CSMD1: variants seen among roughly 807,000 people sequenced by gnomAD.
CSMD1 encodes the protein CUB and sushi domain-containing protein 1.
CSMD1 carries 213 observed loss-of-function variants against 417.5 expected under a neutral mutation model. The ratio of observed to expected loss-of-function variants is 0.51; its 90% CI spans 0.46 to 0.57. The LOEUF (loss-of-function observed/expected upper bound fraction) is 0.57, where lower values mean the gene tolerates loss of function less well. Among genes scored for constraint, CSMD1 ranks in the 20% least tolerant of loss-of-function variants. The pLI is 0.00. For synonymous variants in CSMD1, 2,862 were observed against 1,736.8 expected (o/e 1.65, Z -16.11); for missense variants, 6,923 against 4,529.7 (o/e 1.53, Z -15.17).
chr8:3,435,413 G>C (rs1335538874), intron 12 of CSMD1, among the ~76,000 whole-genome samples: 2 of 152,086 alleles, frequency 1.3e-5, no homozygotes, highest in South Asian at 2.1e-4. Flanking sequence ...AGAAATGCCT[G>C]AAACATCACC....
chr8:4,468,095 A>T (rs1800299208), intron 2 of CSMD1, among the ~76,000 whole-genome samples: 1 of 152,152 alleles, frequency 6.6e-6, no homozygotes, highest in Non-Finnish European at 1.5e-5. Flanking sequence ...CACTGTTCTG[A>T]TGAACCGCTT....
intron 3 of CSMD1, among the ~76,000 whole-genome samples, chr8:4,346,885 G>C (rs893872123): frequency 1.3e-4 from 19 of 149,426 alleles, no homozygotes; most frequent in Non-Finnish European, 2.5e-4. Context: ...ATTCTGGCTG[G>C]ATTGTAAAAC....
At chr8:4,104,708 G>C (rs139077456) in intron 3 of CSMD1, among the ~76,000 whole-genome samples, 2 of 152,188 alleles carry the variant, frequency 1.3e-5, no homozygotes, top group Non-Finnish European at 2.9e-5. Context: ...CACAATAGCT[G>C]GCAACAGTCC....
At chr8:3,630,843 C>G (rs979372465) in intron 7 of CSMD1, among the ~76,000 whole-genome samples, 2 of 152,186 alleles carry the variant, frequency 1.3e-5, no homozygotes, top group African/African-American at 4.8e-5. Context: ...CAGATCCCCA[C>G]AGGCAACCAA....
rs1799247047 is a variant in CSMD1 at position 3,237,787 on chromosome 8, ACTACAAGTATAATTT to A, written c.4154-7571_4154-7557del. On this transcript the variant is annotated intron_variant, in intron 26 of 69. Coordinates refer to ENST00000635120, the MANE Select transcript of CSMD1 (RefSeq NM_033225.6). ...ATATAATTTTTATAATTATACTTAT[ACTACAAGTATAATTT>A]TTATAATTATACTTATACTACAAGT... Among the ~76,000 whole-genome samples, 2 of 117,470 alleles carry A rather than the reference ACTACAAGTATAATTT, an allele frequency of 1.7e-5. 1 individual carries two copies. The highest frequency in any genetic ancestry group is 6.7e-5 in the African/African-American group (2 of 29,888). 77.1% of individuals were successfully genotyped at this position (117,470 alleles called of 152,430 possible).
At chr8:4,117,774 C>T (rs1318819231) in intron 3 of CSMD1, among the ~76,000 whole-genome samples, 2 of 151,898 alleles carry the variant, frequency 1.3e-5, no homozygotes, top group Admixed American at 1.3e-4. Context: ...CACACCAGGC[C>T]CATTCAGAGA....
chr8:2,997,471 T>C (rs753159641), intron 54 of CSMD1, among the ~76,000 whole-genome samples: 2 of 152,164 alleles, frequency 1.3e-5, no homozygotes, highest in Non-Finnish European at 2.9e-5. Flanking sequence ...TAAAGTACAA[T>C]ACACCACCAA....
At chr8:4,353,183 C>T (rs1355764942) in intron 3 of CSMD1, among the ~76,000 whole-genome samples, 12 of 152,150 alleles carry the variant, frequency 7.9e-5, no homozygotes, top group Admixed American at 5.9e-4. Context: ...ATAATCCCCA[C>T]GTGTCAAGTG....
At chr8:3,739,337 T>C (rs2720829) in intron 6 of CSMD1, among the ~76,000 whole-genome samples, 142,128 of 152,256 alleles carry the variant, frequency 0.93, 67,160 homozygotes, top group Non-Finnish European at 1. Flanking sequence ...TAGTGTTCTA[T>C]GGCACCACAG....
At chr8:3,194,315 G>C (rs776061545) in intron 33 of CSMD1, among the ~76,000 whole-genome samples, 1 of 151,950 alleles carries the variant, frequency 6.6e-6, no homozygotes, top group Non-Finnish European at 1.5e-5. Context: ...CTCAAGTAAA[G>C]AAATTCTTAA....
At chr8:4,674,978 G>T (rs944533809) in intron 1 of CSMD1, among the ~76,000 whole-genome samples, 8 of 152,144 alleles carry the variant, frequency 5.3e-5, no homozygotes, top group African/African-American at 1.4e-4. Flanking sequence ...CGGTGAGGAG[G>T]CAGCTGTCTC....
intron 10 of CSMD1, among the ~76,000 whole-genome samples, chr8:3,499,819 A>G (rs759458805): frequency 3.3e-5 from 5 of 152,106 alleles, no homozygotes; most frequent in Non-Finnish European, 5.9e-5. Flanking sequence ...TGGAGATGCT[A>G]CTGGCCCTGT....
At chr8:4,224,810 C>T (rs1361994072) in intron 3 of CSMD1, among the ~76,000 whole-genome samples, 2 of 152,162 alleles carry the variant, frequency 1.3e-5, no homozygotes, top group Non-Finnish European at 1.5e-5. Flanking sequence ...TCATAATATT[C>T]CTCATCATGG....
intron 15 of CSMD1, among the ~76,000 whole-genome samples, chr8:3,400,080 T>C (rs11136622): frequency 0.52 from 79,007 of 151,976 alleles, 20,925 homozygotes; most frequent in Middle Eastern, 0.61. Flanking sequence ...TTAGACTGCA[T>C]TGAACCTTTT....
chr8:4,592,590 T>G (rs1800048000), intron 2 of CSMD1, among the ~76,000 whole-genome samples: 1 of 152,202 alleles, frequency 6.6e-6, no homozygotes, highest in East Asian at 1.9e-4. Context: ...TTTCACCATG[T>G]TGGCCAGGCT....
chr8:3,018,704 G>A, intron 51 of CSMD1, 54 bp from the exon 52 acceptor site: 1 of 1,484,788 alleles, frequency 6.7e-7, no homozygotes, highest in Non-Finnish European at 9.2e-7. Context: ...GATTACTCCT[G>A]TGCTCCAAAC....
At chr8:4,766,561 T>A (rs756264763) in intron 1 of CSMD1, among the ~76,000 whole-genome samples, 3 of 152,238 alleles carry the variant, frequency 2.0e-5, no homozygotes, top group Admixed American at 6.5e-5. Context: ...ATATGCTTTC[T>A]GCCCAAATCT....
chr8:4,407,905 C>T (rs184201301), intron 3 of CSMD1, among the ~76,000 whole-genome samples: 1 of 152,044 alleles, frequency 6.6e-6, no homozygotes, highest in African/African-American at 2.4e-5. Context: ...ATAACACATC[C>T]AAAGCTGAAA....
chr8:4,068,529 T>C (rs748841819), intron 3 of CSMD1, among the ~76,000 whole-genome samples: 2 of 152,186 alleles, frequency 1.3e-5, no homozygotes, highest in Non-Finnish European at 2.9e-5. Flanking sequence ...CGACACAAAA[T>C]GCAGAAACAT....
Sources: allele counts gnomAD v4.1 joint callset (sites outside exome capture counted in the v4.1 genomes callset), GRCh38; gene constraint gnomAD v4.1.1; transcripts MANE v1.5; gene names NCBI Gene and HGNC (gene_info 2026-07-23, HGNC 2026-07-21).